The following PTPRN2 variants were observed in gnomAD, a reference collection of about 807,000 sequenced individuals.
PTPRN2 encodes receptor-type tyrosine-protein phosphatase N2.
In PTPRN2, 74 loss-of-function variants were observed where a neutral mutation model predicts 118.8. The ratio of observed to expected loss-of-function variants is 0.62; its 90% confidence interval spans 0.52 to 0.76. The LOEUF (loss-of-function observed/expected upper bound fraction) is 0.76. Ranked by LOEUF, PTPRN2 falls within the 30% of genes least tolerant of loss-of-function variation. PTPRN2 has a pLI of 0.00. For synonymous variants in PTPRN2, 641 were observed against 608.0 expected (o/e 1.05, Z -0.80); for missense variants, 1,481 against 1,394.4 (o/e 1.06, Z -0.99).
intron 3 of PTPRN2, among the ~76,000 whole-genome samples, chr7:158,227,238 A>G (rs1216608370): frequency 6.6e-6 from 1 of 152,198 alleles, no homozygotes; most frequent in Non-Finnish European, 1.5e-5. Flanking sequence ...AGAGGTGCTG[A>G]GCAGAGGAGC....
intron 12 of PTPRN2, among the ~76,000 whole-genome samples, chr7:157,796,144 A>G (rs1804856481): frequency 6.6e-6 from 1 of 152,276 alleles, no homozygotes; most frequent in Non-Finnish European, 1.5e-5. Context: ...TCTAAATTAC[A>G]TAACTGTCCT....
intron 1 of PTPRN2, 38 bp downstream of exon 1, chr7:158,587,520 T>C (rs774867779): frequency 2.0e-6 from 2 of 1,015,150 alleles, no homozygotes; most frequent in African/African-American, 2.1e-5. Context: ...CCCCAACTAA[T>C]TCATTGAGGC....
intron 6 of PTPRN2, among the ~76,000 whole-genome samples, chr7:158,155,959 T>C (rs191870531): frequency 5.8e-4 from 89 of 152,328 alleles, no homozygotes; most frequent in Non-Finnish European, 3.4e-4. Context: ...TCGCATTCTC[T>C]CCTCATTTGG....
At chr7:158,476,197 G>T (rs1478745938) in intron 2 of PTPRN2, among the ~76,000 whole-genome samples, 2 of 152,160 alleles carry the variant, frequency 1.3e-5, no homozygotes, top group Non-Finnish European at 2.9e-5. Flanking sequence ...TAGAGAAGGG[G>T]TTTCACCATG....
intron 14 of PTPRN2, among the ~76,000 whole-genome samples, chr7:157,653,216 T>C (rs1195398749): frequency 6.6e-6 from 1 of 152,086 alleles, no homozygotes; most frequent in East Asian, 1.9e-4. Context: ...GATCGTGGGG[T>C]TCAGATGCCA....
chr7:157,976,441 G>T (rs1802753459), intron 11 of PTPRN2, among the ~76,000 whole-genome samples: 1 of 148,574 alleles, frequency 6.7e-6, no homozygotes, highest in Non-Finnish European at 1.5e-5. Context: ...AGTTCCATGG[G>T]TTAAAATCCA....
At chr7:157,696,761 C>T (rs1486925752) in intron 12 of PTPRN2, among the ~76,000 whole-genome samples, 4 of 137,766 alleles carry the variant, frequency 2.9e-5, no homozygotes, top group Admixed American at 7.1e-5. Flanking sequence ...TGGATCTTGG[C>T]AGAGCCCTCA....
intron 13 of PTPRN2, among the ~76,000 whole-genome samples, chr7:157,663,257 G>C (rs773208336): frequency 2.0e-5 from 3 of 152,136 alleles, no homozygotes; most frequent in Non-Finnish European, 4.4e-5. Flanking sequence ...AGGGCTGTGC[G>C]CGTGGAAACC....
chr7:158,121,942 A>G (rs796955856), intron 9 of PTPRN2, among the ~76,000 whole-genome samples: 25 of 152,324 alleles, frequency 1.6e-4, no homozygotes, highest in African/African-American at 4.3e-4. Flanking sequence ...CACAATGATC[A>G]CGCAGCCATT....
At chr7:157,855,523 G>T (rs1002806680) in intron 12 of PTPRN2, among the ~76,000 whole-genome samples, 4 of 152,198 alleles carry the variant, frequency 2.6e-5, no homozygotes, top group South Asian at 2.1e-4. Context: ...CTGGACAGTG[G>T]TTTGGGGATT....
intron 2 of PTPRN2, among the ~76,000 whole-genome samples, chr7:158,383,812 C>T (rs539485000): frequency 3.3e-5 from 5 of 152,306 alleles, no homozygotes; most frequent in Admixed American, 2.6e-4. Flanking sequence ...CACACAGTAG[C>T]AGCAAACAAC....
At chr7:158,384,853 CCAAA>C (rs1175462342) in intron 2 of PTPRN2, among the ~76,000 whole-genome samples, 1 of 152,230 alleles carries the variant, frequency 6.6e-6, no homozygotes, top group Admixed American at 6.5e-5. Flanking sequence ...AGAGGGCCGA[CCAAA>C]CACAGATGTC....
rs563846870 is a variant in PTPRN2 at position 158,553,779 on chromosome 7, C to T, written c.112+33779G>A. Among the ~76,000 whole-genome samples the T allele has an allele frequency of 2.6e-5, 4 of 151,190 alleles. No individual in the cohort carries two copies. The East Asian group carries it at 7.8e-4, about 30-fold the overall frequency. On this transcript the variant is annotated intron_variant, in intron 1 of 22. Transcript: ENST00000389418. ...CTATACACAGGCTTGGGAGTCTACA[C>T]CACCCTTCCTGCATTTGGGGGATCC...
At chr7:157,563,586 C>T (rs1198805556) in intron 21 of PTPRN2, among the ~76,000 whole-genome samples, 3 of 141,864 alleles carry the variant, frequency 2.1e-5, no homozygotes, top group African/African-American at 8.0e-5. Flanking sequence ...CACGTGCTCC[C>T]GCATCACCAC....
chr7:157,781,049 C>T (rs1022629574), intron 12 of PTPRN2, among the ~76,000 whole-genome samples: 4 of 152,196 alleles, frequency 2.6e-5, no homozygotes, highest in South Asian at 2.1e-4. Context: ...CACCCACATG[C>T]GGCTCCTTCT....
chr7:158,312,138 G>A (rs908365139), intron 3 of PTPRN2, among the ~76,000 whole-genome samples: 1 of 141,036 alleles, frequency 7.1e-6, no homozygotes, highest in Non-Finnish European at 1.5e-5. Flanking sequence ...GTGCTCACGT[G>A]TAGACAGCCA....
chr7:158,337,214 G>A (rs527468263), intron 2 of PTPRN2, among the ~76,000 whole-genome samples: 1 of 151,816 alleles, frequency 6.6e-6, no homozygotes, highest in African/African-American at 2.4e-5. Flanking sequence ...GGTGACACTT[G>A]CAGACGTCAC....
intron 6 of PTPRN2, among the ~76,000 whole-genome samples, chr7:158,156,587 C>A (rs759221865): frequency 6.6e-6 from 1 of 152,202 alleles, no homozygotes; most frequent in East Asian, 1.9e-4. Flanking sequence ...GTGGAGAGGG[C>A]AGGTGAACAC....
chr7:157,965,764 G>C (rs1801879831), intron 11 of PTPRN2, among the ~76,000 whole-genome samples: 1 of 152,204 alleles, frequency 6.6e-6, no homozygotes, highest in African/African-American at 2.4e-5. Context: ...TAGATGCTCA[G>C]ATAGCATTTC....
Sources: allele counts gnomAD v4.1 joint callset (sites outside exome capture counted in the v4.1 genomes callset), GRCh38; gene constraint gnomAD v4.1.1; transcripts MANE v1.5; gene names NCBI Gene and HGNC (gene_info 2026-07-23, HGNC 2026-07-21).